Variants in FAM168A observed in about 807,000 individuals in gnomAD.
The protein encoded by FAM168A is protein FAM168A.
FAM168A carries 3 observed loss-of-function variants against 28.5 expected under a neutral mutation model. The ratio of observed to expected loss-of-function variants is 0.11; its 90% CI spans 0.05 to 0.27. The LOEUF (loss-of-function observed/expected upper bound fraction) is 0.27. Ranked by LOEUF, FAM168A falls within the 10% of genes least tolerant of loss-of-function variation. The pLI, the probability that FAM168A is intolerant of heterozygous loss-of-function variation, is 1.00. For missense variants in FAM168A, 222 were observed against 311.5 expected, an observed-to-expected ratio of 0.71 and a Z score of 2.16; for synonymous variants, 122 against 124.2, an observed-to-expected ratio of 0.98 and a Z score of 0.12.
In FAM168A at chr11:73,460,397, C is replaced by G. The variant is rs373085998; in HGVS notation, c.70+8008G>C. 5.3e-5 allele frequency among the ~76,000 whole-genome samples: 8 copies of G among 152,088 alleles called. No individual in the cohort carries two copies. In the South Asian group the frequency reaches 6.2e-4, roughly 12 times the overall value. ...TTCCCTTTATTTCTTTCTTCTCCCC[C>G]CTTTCTTCCTTCAAAATTTACTGAG... On this transcript the variant is annotated intron_variant, in intron 2 of 7. Transcript: ENST00000356467.
intron 1 of FAM168A, among the ~76,000 whole-genome samples, chr11:73,492,096 A>C (rs555446401): frequency 6.6e-6 from 1 of 152,336 alleles, no homozygotes; most frequent in East Asian, 1.9e-4. Flanking sequence ...AAATGAGAAA[A>C]GCCTAAAAGG....
chr11:73,468,498 G>C lies in FAM168A; in HGVS notation c.-18-6C>G, dbSNP rs763365433. On this transcript the variant is annotated splice_polypyrimidine_tract_variant and splice_region_variant and intron_variant, in intron 1 of 7. Coordinates refer to ENST00000356467, the MANE Select transcript of FAM168A (RefSeq NM_015159.3). ...ATTGTGGAAGACTGAGGATCCTACA[G>C]AGAAAACAAAGAAAACAGCACTGAT... 4 of 1,609,876 alleles carry C rather than the reference G, an allele frequency of 2.5e-6. No homozygotes were observed. Among genetic ancestry groups the C allele is most frequent in the Middle Eastern group, 3.3e-4 (2 of 6,050 alleles).
intron 4 of FAM168A, among the ~76,000 whole-genome samples, chr11:73,414,744 A>G (rs771851227): frequency 8.5e-5 from 13 of 152,124 alleles, no homozygotes; most frequent in Non-Finnish European, 1.3e-4. Context: ...TAGGGACAGT[A>G]AGCTTCTGTC....
chr11:73,520,269 C>T (rs1304524421), intron 1 of FAM168A, among the ~76,000 whole-genome samples: 1 of 151,802 alleles, frequency 6.6e-6, no homozygotes, highest in African/African-American at 2.4e-5. Flanking sequence ...AGGATGGTCT[C>T]GATCTCCTGA....
At chr11:73,541,979 G>GCATT in intron 1 of FAM168A, among the ~76,000 whole-genome samples, 1 of 152,222 alleles carries the variant, frequency 6.6e-6, no homozygotes, top group East Asian at 1.9e-4. Context: ...GACTTGCTTG[G>GCATT]CATTACCCAA....
At chr11:73,486,149 G>A (rs1171611576) in intron 1 of FAM168A, among the ~76,000 whole-genome samples, 2 of 152,194 alleles carry the variant, frequency 1.3e-5, no homozygotes, top group Non-Finnish European at 2.9e-5. Context: ...AGTCCTGTAA[G>A]CACTGAATAC....
chr11:73,511,559 A>ATTTTTTTTTTTTTTTTTTTTTTTTTTTT (rs1396253362), intron 1 of FAM168A, among the ~76,000 whole-genome samples: 6 of 152,184 alleles, frequency 3.9e-5, no homozygotes, highest in African/African-American at 9.6e-5. Context: ...TATGTAATGA[A>ATTTTTTTTTTTTTTTTTTTTTTTTTTTT]TCTTAAGCTG....
At chr11:73,425,469 T>G (rs919149736) in intron 3 of FAM168A, among the ~76,000 whole-genome samples, 1 of 152,224 alleles carries the variant, frequency 6.6e-6, no homozygotes, top group African/African-American at 2.4e-5. Flanking sequence ...CTGTAAAACC[T>G]CTAAGAGATA....
At chr11:73,423,681 A>C (rs1280568329) in intron 3 of FAM168A, among the ~76,000 whole-genome samples, 1 of 151,794 alleles carries the variant, frequency 6.6e-6, no homozygotes, top group East Asian at 1.9e-4. Context: ...CCTTCTCCCC[A>C]CCCCTTAACC....
chr11:73,461,585 T>A (rs1050984941), intron 2 of FAM168A, among the ~76,000 whole-genome samples: 3 of 152,200 alleles, frequency 2.0e-5, no homozygotes, highest in Non-Finnish European at 4.4e-5. Flanking sequence ...GAGCAGGAGA[T>A]GGGCTGGAGA....
intron 1 of FAM168A, among the ~76,000 whole-genome samples, chr11:73,534,833 T>G (rs1274992403): frequency 6.6e-6 from 1 of 152,192 alleles, no homozygotes; most frequent in African/African-American, 2.4e-5. Flanking sequence ...TTCTTTTCCC[T>G]CTGGAGAGAG....
intron 1 of FAM168A, among the ~76,000 whole-genome samples, chr11:73,548,140 A>C (rs1287589535): frequency 6.6e-6 from 1 of 152,172 alleles, no homozygotes; most frequent in African/African-American, 2.4e-5. Context: ...TGCAAGAAAA[A>C]AATGTTGTAG....
intron 1 of FAM168A, among the ~76,000 whole-genome samples, chr11:73,472,577 G>T (rs1462456240): frequency 1.3e-5 from 2 of 152,212 alleles, no homozygotes; most frequent in African/African-American, 2.4e-5. Context: ...TTAAGAAGAG[G>T]TAGATTGTTG....
At chr11:73,475,035 G>GA (rs1867870058) in intron 1 of FAM168A, among the ~76,000 whole-genome samples, 1 of 152,130 alleles carries the variant, frequency 6.6e-6, no homozygotes, top group South Asian at 2.1e-4. Context: ...TGGTGAAGCT[G>GA]ATTTTTCACT....
intron 1 of FAM168A, among the ~76,000 whole-genome samples, chr11:73,591,165 G>C (rs1194716976): frequency 6.6e-6 from 1 of 152,026 alleles, no homozygotes; most frequent in East Asian, 1.9e-4. Context: ...GAAGACTACT[G>C]ATTTAACAGC....
chr11:73,543,760 A>G (rs192392561), intron 1 of FAM168A, among the ~76,000 whole-genome samples: 1 of 152,326 alleles, frequency 6.6e-6, no homozygotes, highest in East Asian at 1.9e-4. Flanking sequence ...TAATCAACTA[A>G]CAAATCAGTA....
intron 1 of FAM168A, among the ~76,000 whole-genome samples, chr11:73,579,123 C>G (rs7107719): frequency 2.6e-5 from 4 of 152,088 alleles, no homozygotes; most frequent in Non-Finnish European, 5.9e-5. Context: ...TATACAGGCA[C>G]TTATAGAGCT....
At chr11:73,592,455 G>A (rs1374610992) in intron 1 of FAM168A, among the ~76,000 whole-genome samples, 1 of 152,170 alleles carries the variant, frequency 6.6e-6, no homozygotes, top group Non-Finnish European at 1.5e-5. Context: ...TATGAACTTG[G>A]TTTAGTCTCT....
chr11:73,427,349 AC>A (rs201352450), intron 3 of FAM168A, among the ~76,000 whole-genome samples: 2,013 of 150,530 alleles, frequency 0.013, 42 homozygotes, highest in African/African-American at 0.046. Context: ...ATGAGGGCTT[AC>A]TTTTTGCTTG....
Sources: allele counts gnomAD v4.1 joint callset (sites outside exome capture counted in the v4.1 genomes callset), GRCh38; gene constraint gnomAD v4.1.1; transcripts MANE v1.5; gene names NCBI Gene and HGNC (gene_info 2026-07-23, HGNC 2026-07-21).